The following FHIT variants were observed in gnomAD, a reference collection of about 807,000 sequenced individuals.
FHIT encodes bis(5'-adenosyl)-triphosphatase.
In FHIT, 19 loss-of-function variants were observed where a neutral mutation model predicts 17.9. The ratio of observed to expected loss-of-function variants is 1.06; its 90% CI spans 0.74 to 1.56. The LOEUF is 1.56. Ranked by LOEUF, FHIT falls within the 40% of genes most tolerant of loss-of-function variation. The pLI, the probability that FHIT is intolerant of heterozygous loss-of-function variation, is 0.00. For missense variants in FHIT, 248 were observed against 189.2 expected (o/e 1.31, Z -1.82); for synonymous variants, 81 against 69.7 (o/e 1.16, Z -0.81).
At chr3:60,475,185 G>A (rs374831789) in intron 5 of FHIT, among the ~76,000 whole-genome samples, 1 of 151,482 alleles carries the variant, frequency 6.6e-6, no homozygotes, top group African/African-American at 2.4e-5. Context: ...GAGACTCTTT[G>A]TTCATCTCTT....
At chr3:60,814,169 A>T (rs991021646) in intron 4 of FHIT, among the ~76,000 whole-genome samples, 24 of 148,116 alleles carry the variant, frequency 1.6e-4, no homozygotes, top group South Asian at 2.1e-4. Context: ...AGGTCTTTTT[A>T]AAAAAAATTC....
chr3:61,120,269 T>A (rs2036418399), intron 2 of FHIT, among the ~76,000 whole-genome samples: 1 of 152,240 alleles, frequency 6.6e-6, no homozygotes, highest in Non-Finnish European at 1.5e-5. Flanking sequence ...TCTGTAAAAC[T>A]CTTAGCATGT....
At chr3:61,219,399 G>A (rs2039776194) in intron 1 of FHIT, among the ~76,000 whole-genome samples, 1 of 151,764 alleles carries the variant, frequency 6.6e-6, no homozygotes, top group African/African-American at 2.4e-5. Context: ...ATGCGAGCAA[G>A]TCAGAACCCA....
At chr3:60,560,641 C>G (rs1054826019) in intron 4 of FHIT, among the ~76,000 whole-genome samples, 2 of 151,980 alleles carry the variant, frequency 1.3e-5, no homozygotes, top group African/African-American at 4.8e-5. Flanking sequence ...CTTATCTGGC[C>G]TGCTTGCCAT....
intron 5 of FHIT, among the ~76,000 whole-genome samples, chr3:60,524,304 G>A (rs1273756489): frequency 2.6e-5 from 4 of 151,948 alleles, no homozygotes; most frequent in African/African-American, 9.7e-5. Context: ...TCATGTGGTA[G>A]GGGTGCAATT....
rs998901985 is a variant in FHIT at position 60,564,519 on chromosome 3, G to C, written c.-17-27540C>G. Among the ~76,000 whole-genome samples the C allele has an allele frequency of 4.6e-5, 7 of 152,114 alleles. No homozygotes were observed. In the East Asian group the frequency reaches 1.2e-3, roughly 25 times the overall value. Reference sequence around the variant, plus strand: ...CAAAGTAAATTGAAAACCTGGAAAGGATTCACCATTCTAGAAGCCATTAAG... The same window carrying C: ...CAAAGTAAATTGAAAACCTGGAAAGCATTCACCATTCTAGAAGCCATTAAG... On this transcript the variant is annotated intron_variant, in intron 4 of 9. Transcript: ENST00000492590.
chr3:59,905,742 A>G (rs1704557400), intron 8 of FHIT, among the ~76,000 whole-genome samples: 1 of 152,238 alleles, frequency 6.6e-6, no homozygotes, highest in South Asian at 2.1e-4. Flanking sequence ...AAAAGAATAG[A>G]AAACCCGAAT....
intron 3 of FHIT, among the ~76,000 whole-genome samples, chr3:60,830,047 C>A (rs184255226): frequency 1.3e-5 from 2 of 152,216 alleles, no homozygotes; most frequent in Non-Finnish European, 2.9e-5. Context: ...GTTTACCATA[C>A]TTTTCCTGGG....
intron 5 of FHIT, among the ~76,000 whole-genome samples, chr3:60,221,817 T>C (rs533987057): frequency 5.2e-4 from 79 of 152,284 alleles, no homozygotes; most frequent in African/African-American, 1.4e-3. Context: ...GAGACTATCC[T>C]ATCTGTAGCA....
chr3:60,293,597 A>G (rs973396725), intron 5 of FHIT, among the ~76,000 whole-genome samples: 24 of 152,158 alleles, frequency 1.6e-4, no homozygotes, highest in African/African-American at 5.1e-4. Flanking sequence ...GCATAGGGAA[A>G]GAGCCTAAAA....
intron 5 of FHIT, among the ~76,000 whole-genome samples, chr3:60,515,086 C>G (rs912555452): frequency 6.6e-6 from 1 of 152,036 alleles, no homozygotes; most frequent in African/African-American, 2.4e-5. Flanking sequence ...CGCAAATGAA[C>G]AGGCAGGCGC....
chr3:60,384,437 C>A (rs747821683), intron 5 of FHIT, among the ~76,000 whole-genome samples: 4 of 152,100 alleles, frequency 2.6e-5, no homozygotes, highest in Non-Finnish European at 5.9e-5. Flanking sequence ...CAGTTATACA[C>A]TTTAAAGGTT....
At chr3:61,224,550 C>T (rs556943104) in intron 1 of FHIT, among the ~76,000 whole-genome samples, 52 of 152,312 alleles carry the variant, frequency 3.4e-4, no homozygotes, top group Non-Finnish European at 6.6e-4. Context: ...GCTGGGACCA[C>T]GGGCACATGC....
At chr3:60,928,048 C>T (rs2107349835) in intron 3 of FHIT, among the ~76,000 whole-genome samples, 1 of 152,256 alleles carries the variant, frequency 6.6e-6, no homozygotes, top group Middle Eastern at 3.4e-3. Context: ...TGTGTCAACT[C>T]AGGGTTAAAT....
chr3:60,486,595 G>A (rs1200251230), intron 5 of FHIT, among the ~76,000 whole-genome samples: 2 of 152,152 alleles, frequency 1.3e-5, no homozygotes, highest in African/African-American at 4.8e-5. Flanking sequence ...ATAGGTCAGA[G>A]AAGGGCAGGC....
intron 5 of FHIT, among the ~76,000 whole-genome samples, chr3:60,527,283 T>C (rs1055263154): frequency 4.6e-5 from 7 of 152,236 alleles, no homozygotes; most frequent in Non-Finnish European, 1.0e-4. Flanking sequence ...TTTCATGTAA[T>C]TCCTGTTGAT....
chr3:60,397,407 A>G (rs914027675), intron 5 of FHIT, among the ~76,000 whole-genome samples: 4 of 152,154 alleles, frequency 2.6e-5, no homozygotes, highest in South Asian at 2.1e-4. Context: ...GGGTACTTCC[A>G]AGAGAGGTCT....
At chr3:59,831,398 CTAT>C (rs1243608412) in intron 8 of FHIT, among the ~76,000 whole-genome samples, 1 of 152,054 alleles carries the variant, frequency 6.6e-6, no homozygotes, top group Non-Finnish European at 1.5e-5. Context: ...ACTATTGAGA[CTAT>C]TATCTCCTTT....
At chr3:60,976,843 T>C (rs1334680575) in intron 3 of FHIT, among the ~76,000 whole-genome samples, 1 of 152,002 alleles carries the variant, frequency 6.6e-6, no homozygotes, top group East Asian at 1.9e-4. Flanking sequence ...CCTCTCCAGA[T>C]CCACTATTAA....
Sources: gnomAD v4.1 joint callset for allele counts (sites outside exome capture counted in the v4.1 genomes callset) on GRCh38, gnomAD v4.1.1 for gene constraint, MANE v1.5 for transcripts, NCBI Gene and HGNC (gene_info 2026-07-23, HGNC 2026-07-21) for gene names.